Variants in SIRPD observed in about 807,000 individuals in gnomAD.
SIRPD encodes signal regulatory protein delta, also known as signal-regulatory protein delta.
Under a neutral mutation model 18.0 loss-of-function variants are expected in SIRPD, and 21 were observed. That is an observed-to-expected ratio of 1.17 (90% CI 0.83 to 1.68). The LOEUF (loss-of-function observed/expected upper bound fraction) is 1.68, where lower values mean the gene tolerates loss of function less well. SIRPD is among the 40% of genes most tolerant of loss of function. SIRPD has a pLI of 0.00. For missense variants in SIRPD, 295 were observed against 238.4 expected (o/e 1.24, Z -1.56); for synonymous variants, 106 against 92.9 (o/e 1.14, Z -0.81).
chr20:1,546,487 A>G (rs79730892), intron 2 of SIRPD, among the ~76,000 whole-genome samples: 1,855 of 152,290 alleles, frequency 0.012, 34 homozygotes, highest in African/African-American at 0.041. Flanking sequence ...TTTTCCATTC[A>G]TCAGTTGATA....
rs770401949 is a variant in SIRPD, at chr20:1,552,038, C to A, written c.74G>T (p.Gly25Val). Residue 25 changes from glycine (G) to valine (V), a missense_variant and splice_region_variant, in exon 2 of 4, where the codon GGA (glycine) becomes GTA (valine). Physicochemically the swap from Gly to Val is moderately radical, Grantham distance 109. Coordinates refer to ENST00000381623, the MANE Select transcript of SIRPD (RefSeq NM_178460.3). ...LLLYLLLELA[G>V]VTHVFHVQQT... ...TTGCACATGGAACACATGTGTGACT[C>A]CTGGAAAAAAGCTGAAAATCATTTC... The A allele has an allele frequency of 6.2e-7, 1 of 1,608,492 alleles. No homozygotes were observed. The highest frequency in any genetic ancestry group is 1.7e-5 in the Admixed American group (1 of 59,570).
chr20:1,555,140 T>C (rs771963688), intron 1 of SIRPD, among the ~76,000 whole-genome samples: 3 of 152,170 alleles, frequency 2.0e-5, no homozygotes, highest in Admixed American at 1.3e-4. Flanking sequence ...TGCAGTAGAA[T>C]ACTATTTAGC....
intron 2 of SIRPD, among the ~76,000 whole-genome samples, chr20:1,546,700 C>T (rs1376313550): frequency 6.6e-6 from 1 of 152,182 alleles, no homozygotes; most frequent in Non-Finnish European, 1.5e-5. Context: ...TTTGCATTTC[C>T]ACCTGCAGTG....
rs879124036 is a variant in SIRPD at position 1,551,964 on chromosome 20, T to G, written c.148A>C (p.Ser50Arg). 4 of 1,613,952 alleles carry G rather than the reference T, an allele frequency of 2.5e-6. No individual in the cohort carries two copies. The South Asian group carries it at 3.3e-5, about 13-fold the overall frequency. ...TVSTGESIILSCSVPNTLPNG... is the reference protein window; with the variant it reads ...TVSTGESIILRCSVPNTLPNG... ...GGTAAGGTATTGGGTACGCTGCAACTCAAGATGATTGACTCCCCAGTTGAT... is the reference window on the plus strand; with the variant it reads ...GGTAAGGTATTGGGTACGCTGCAACGCAAGATGATTGACTCCCCAGTTGAT... The change falls in exon 2 of 4, where the codon AGT becomes CGT. Residue 50 changes from serine (S) to arginine (R), a missense_variant. By Grantham distance (110) the Ser-to-Arg change is moderately radical. Coordinates refer to ENST00000381623, the MANE Select transcript of SIRPD (RefSeq NM_178460.3).
At chr20:1,535,802 T>G (rs1265511914) in intron 3 of SIRPD, among the ~76,000 whole-genome samples, 1 of 152,254 alleles carries the variant, frequency 6.6e-6, no homozygotes, top group Non-Finnish European at 1.5e-5. Context: ...ATCTATGTAA[T>G]GTATACAATG....
At chr20:1,549,356 G>A (rs1353302760) in intron 2 of SIRPD, among the ~76,000 whole-genome samples, 1 of 144,288 alleles carries the variant, frequency 6.9e-6, no homozygotes, top group Non-Finnish European at 1.5e-5. Flanking sequence ...GCCATAACAA[G>A]CAGTTTCTGA....
At chr20:1,545,574 A>G (rs78161817) in intron 2 of SIRPD, among the ~76,000 whole-genome samples, 1 of 152,174 alleles carries the variant, frequency 6.6e-6, no homozygotes, top group African/African-American at 2.4e-5. Flanking sequence ...CTCTTTTAGC[A>G]TGGAGGAGTT....
In SIRPD at chr20:1,537,148, C is replaced by G. The variant is rs1262423645; in HGVS notation, c.577+7G>C. On this transcript the variant is annotated splice_region_variant and intron_variant, in intron 3 of 3. Transcript: ENST00000381623. ...GCATCATGGTACCTGAGGGTGGGGG[C>G]ACTCACCTGTGAGTCCCAGCAGCCG... The G allele has an allele frequency of 6.2e-7, 1 of 1,612,934 alleles. No homozygotes were observed. Among genetic ancestry groups the G allele is most frequent in the Non-Finnish European group, 8.5e-7 (1 of 1,179,242 alleles).
chr20:1,537,519 C>A (rs115932516), intron 2 of SIRPD, among the ~76,000 whole-genome samples: 3,371 of 152,240 alleles, frequency 0.022, 51 homozygotes, highest in African/African-American at 0.049. Context: ...TCCTTTGGGC[C>A]CCTCACTTTG....
At position 1,543,065 on chromosome 20, in the gene SIRPD, T is replaced by C. The variant is rs554804363; in HGVS notation, c.422-5755A>G. Among the ~76,000 whole-genome samples, 73 of 152,326 alleles carry C rather than the reference T, an allele frequency of 4.8e-4. No individual in the cohort carries two copies. The South Asian group carries it at 0.014, about 30-fold the overall frequency. On this transcript the variant is annotated intron_variant, in intron 2 of 3. Coordinates refer to ENST00000381623, the MANE Select transcript of SIRPD (RefSeq NM_178460.3). ...TATTGAGGATTTTTGCATCGATGTG[T>C]TCATCAGGGATATTGAACTGAAATT...
chr20:1,552,103 C>A, intron 1 of SIRPD, 65 bp from the exon 2 acceptor site: 1 of 1,326,138 alleles, frequency 7.5e-7, no homozygotes, highest in East Asian at 2.3e-5. Flanking sequence ...GTACGGGTCA[C>A]GGTTGGGCCT....
intron 1 of SIRPD, among the ~76,000 whole-genome samples, chr20:1,552,416 T>G (rs141196442): frequency 0.018 from 2,756 of 152,268 alleles, 90 homozygotes; most frequent in African/African-American, 0.062. Flanking sequence ...CCTTCAACCC[T>G]ACATCTCCAC....
chr20:1,548,246 A>C (rs562775309), intron 2 of SIRPD, among the ~76,000 whole-genome samples: 3 of 152,148 alleles, frequency 2.0e-5, no homozygotes, highest in Non-Finnish European at 2.9e-5. Flanking sequence ...TGGGTTTTGC[A>C]TCCATGCTCT....
At chr20:1,541,770 A>C (rs745889615) in intron 2 of SIRPD, among the ~76,000 whole-genome samples, 1 of 152,162 alleles carries the variant, frequency 6.6e-6, no homozygotes. Context: ...TTATGGTTTT[A>C]GGTCTTACAT....
In SIRPD at chr20:1,537,231, G is replaced by A. The variant is rs3179935; in HGVS notation, c.501C>T (p.Leu167=). Residue 167 remains leucine, a synonymous_variant, in exon 3 of 4, where the codon CTC becomes CTT. Transcript: ENST00000381623. The part of the protein sequence containing the change: ...SRAHHDAHTC[L]SALPERNSTN... ...TGCTGTTTCTCTCAGGCAGGGCCGA[G>A]AGGCAGGTATGGGCATCATGGTGGG... 4.3e-6 allele frequency: 7 copies of A among 1,614,160 alleles called. No homozygotes were observed. Among genetic ancestry groups the A allele is most frequent in the Non-Finnish European group, 5.9e-6 (7 of 1,180,014 alleles).
chr20:1,540,188 G>C (rs113359047), intron 2 of SIRPD: 26 of 427,374 alleles, frequency 6.1e-5, no homozygotes, highest in African/African-American at 3.5e-4. Context: ...CTGCTGACAG[G>C]CCAGGGATGC....
chr20:1,554,726 C>T (rs997068221), intron 1 of SIRPD, among the ~76,000 whole-genome samples: 1 of 152,056 alleles, frequency 6.6e-6, no homozygotes, highest in Non-Finnish European at 1.5e-5. Flanking sequence ...GAGGCAGCTC[C>T]CTCCCATACC....
At position 1,537,258 on chromosome 20, in the gene SIRPD, C is replaced by T; in HGVS notation, c.474G>A (p.Arg158=). 6.2e-7 allele frequency: 1 copy of T among 1,614,010 alleles called. No individual in the cohort carries two copies. The highest frequency in any genetic ancestry group is 8.5e-7 in the Non-Finnish European group (1 of 1,179,986). The change falls in exon 3 of 4, where the codon AGG becomes AGA. Residue 158 remains arginine (R), a synonymous_variant. Transcript: ENST00000381623. ...GGCAGGTATGGGCATCATGGTGGGC[C>T]CTGGAGCCTGCTCTGCCTGCAGGTC... ...KNRPAGRAGS[R]AHHDAHTCLS...
In SIRPD at chr20:1,543,971, C is replaced by T. The variant is rs552746047; in HGVS notation, c.422-6661G>A. Among the ~76,000 whole-genome samples, 4 of 152,270 alleles carry T rather than the reference C, an allele frequency of 2.6e-5. No homozygotes were observed. The East Asian group carries it at 7.7e-4, about 29-fold the overall frequency. On this transcript the variant is annotated intron_variant, in intron 2 of 3. Transcript: ENST00000381623. ...AGTTCTAATTTGATTGCACTGTGAT[C>T]TGAGAGACTGTTATGATTTCCATTC... is the stretch of plus-strand genomic sequence containing the variant.
Sources: allele counts gnomAD v4.1 joint callset (sites outside exome capture counted in the v4.1 genomes callset), GRCh38; gene constraint gnomAD v4.1.1; transcripts MANE v1.5; gene names NCBI Gene and HGNC (gene_info 2026-07-23, HGNC 2026-07-21).